Variants in ATP23 observed in about 807,000 individuals in gnomAD.
ATP23 encodes mitochondrial inner membrane protease ATP23 homolog.
Under a neutral mutation model 28.5 loss-of-function variants are expected in ATP23, and 24 were observed. The ratio of observed to expected loss-of-function variants is 0.84; its 90% CI spans 0.61 to 1.18. The LOEUF is 1.18. Ranked by LOEUF, ATP23 falls within the 50% of genes most tolerant of loss-of-function variation. The pLI is 0.00. For synonymous variants in ATP23, 99 were observed against 108.6 expected (o/e 0.91, Z 0.55); for missense variants, 274 against 306.4 (o/e 0.89, Z 0.79).
intron 4 of ATP23, 40 bp from the exon 5 acceptor site, chr12:57,953,566 A>C (rs779580942): frequency 1.9e-6 from 3 of 1,541,562 alleles, no homozygotes; most frequent in Non-Finnish European, 2.7e-6. Flanking sequence ...TATATAGAGC[A>C]TGAGCGTTTA....
chr12:57,954,192 C>T (rs1169631165), intron 5 of ATP23, among the ~76,000 whole-genome samples: 1 of 74,200 alleles, frequency 1.3e-5, no homozygotes, highest in Non-Finnish European at 2.2e-5. Context: ...GAGACTCCAT[C>T]TCAAAAAAAA....
At position 57,957,050 on chromosome 12, in the gene ATP23, C is replaced by CA; in HGVS notation, c.*166dup. 1.9e-6 allele frequency: 1 copy of CA among 536,268 alleles called. No individual in the cohort carries two copies. Among genetic ancestry groups the CA allele is most frequent in the Non-Finnish European group, 2.9e-6 (1 of 340,000 alleles). 33.2% of individuals were successfully genotyped at this position (536,268 alleles called of 1,614,324 possible). A position where few individuals can be genotyped will look rare whatever the true frequency, so the allele number is the denominator to read the frequency against. On this transcript the variant is annotated 3_prime_UTR_variant, in exon 6 of 6. Coordinates refer to ENST00000300145, the MANE Select transcript of ATP23 (RefSeq NM_033276.4). The stretch of plus-strand genomic sequence containing the variant: ...ATATTATCAGAAAAAGTAACTATGG[C>CA]AAAAAATGAAACTGCTTTAAACTCC...
intron 1 of ATP23, among the ~76,000 whole-genome samples, chr12:57,944,381 T>C (rs554229870): frequency 6.6e-6 from 1 of 152,210 alleles, no homozygotes; most frequent in African/African-American, 2.4e-5. Flanking sequence ...TGCATTTATA[T>C]TCTCAGACAA....
Position 57,941,576 on chromosome 12 carries a change from A to C in ATP23, c.-126A>C. 1 of 1,307,532 alleles carries C rather than the reference A, an allele frequency of 7.6e-7. No homozygotes were observed. The allele number at this position is 1,307,532 out of a possible 1,614,324, so 81.0% of individuals were successfully genotyped here. A position where few individuals can be genotyped will look rare whatever the true frequency, so the allele number is the denominator to read the frequency against. ...CCCGCCTAACGTCTTCAGCCCAGCCAGGCTGCCCTTCTTCCCTGCGGAGGG... is the reference window on the plus strand; with the variant it reads ...CCCGCCTAACGTCTTCAGCCCAGCCCGGCTGCCCTTCTTCCCTGCGGAGGG... On this transcript the variant is annotated 5_prime_UTR_variant, in exon 1 of 6. Coordinates refer to ENST00000300145, the MANE Select transcript of ATP23 (RefSeq NM_033276.4).
At position 57,947,245 on chromosome 12, in the gene ATP23, T is replaced by G. The variant is rs943644582; in HGVS notation, c.315+169T>G. Among the ~76,000 whole-genome samples the G allele has an allele frequency of 4.6e-5, 7 of 152,290 alleles. No homozygotes were observed. The East Asian group carries it at 1.4e-3, about 29-fold the overall frequency. On this transcript the variant is annotated intron_variant, in intron 3 of 5. Transcript: ENST00000300145. Reference sequence around the variant, plus strand: ...TTACTCTTAAAATCTCTTAAGGAGTTTACAGCCTTACAGGAAAGATAAGAC... The same window carrying G: ...TTACTCTTAAAATCTCTTAAGGAGTGTACAGCCTTACAGGAAAGATAAGAC...
rs2140546964 is a variant in ATP23 at position 57,957,700 on chromosome 12, T to C, written c.*810T>C. On this transcript the variant is annotated 3_prime_UTR_variant, in exon 6 of 6. Transcript: ENST00000300145. ...AGTTAATTTAGAGAGCCGAGCGAAATACAGGGGTAGAGCAAGCAGCAGGAA... is the reference window on the plus strand; with the variant it reads ...AGTTAATTTAGAGAGCCGAGCGAAACACAGGGGTAGAGCAAGCAGCAGGAA... Among the ~76,000 whole-genome samples, 1 of 152,166 alleles carries C rather than the reference T, an allele frequency of 6.6e-6. No individual in the cohort carries two copies. The highest frequency in any genetic ancestry group is 1.9e-4 in the East Asian group (1 of 5,176).
intron 5 of ATP23, among the ~76,000 whole-genome samples, chr12:57,954,981 T>TTGTGCTGCATG (rs1956851908): frequency 6.6e-6 from 1 of 152,158 alleles, no homozygotes; most frequent in Admixed American, 6.5e-5. Flanking sequence ...GTGACTTGTC[T>TTGTGCTGCATG]TGTGCTGCAT....
chr12:57,958,485 C>A lies in ATP23; in HGVS notation c.*1595C>A, dbSNP rs367844245. 5.4e-4 allele frequency among the ~76,000 whole-genome samples: 82 copies of A among 152,100 alleles called. 1 individual carries two copies. The South Asian group carries it at 0.017, about 31-fold the overall frequency. On this transcript the variant is annotated 3_prime_UTR_variant, in exon 6 of 6. Transcript: ENST00000300145. The stretch of plus-strand genomic sequence containing the variant: ...AAGAACCCTCATGGAGTCCATTGCA[C>A]CCCCCCTGCCACCTCCACTGGAACA...
chr12:57,951,151 G>A (rs1354710116), intron 3 of ATP23, among the ~76,000 whole-genome samples: 1 of 152,184 alleles, frequency 6.6e-6, no homozygotes, highest in East Asian at 1.9e-4. Flanking sequence ...TCTTTCTGAT[G>A]AGTTTTCCCT....
intron 5 of ATP23, 102 bp from the exon 6 acceptor site, chr12:57,956,585 G>T (rs1592282037): frequency 4.4e-6 from 4 of 906,666 alleles, no homozygotes; most frequent in South Asian, 4.4e-5. Flanking sequence ...AAAATAATAT[G>T]AGGAAATTAA....
Position 57,941,953 on chromosome 12 carries a change from G to A in ATP23, c.187+65G>A, listed in dbSNP as rs943123301. Reference sequence around the variant, plus strand: ...GGTCTGAGACCGGGTGGGCGAGGAAGGGCCTGGGCAACACCTGGCCAGGGG... The same window carrying A: ...GGTCTGAGACCGGGTGGGCGAGGAAAGGCCTGGGCAACACCTGGCCAGGGG... On this transcript the variant is annotated intron_variant, in intron 1 of 5. Transcript: ENST00000300145. 12 of 1,576,924 alleles carry A rather than the reference G, an allele frequency of 7.6e-6. No individual in the cohort carries two copies. In the African/African-American group the frequency reaches 1.5e-4, roughly 20 times the overall value.
At chr12:57,956,545 G>A (rs992787894) in intron 5 of ATP23, 142 bp from the exon 6 acceptor site, 4 of 720,082 alleles carry the variant, frequency 5.6e-6, no homozygotes, top group Non-Finnish European at 8.6e-6. Context: ...TGTTCATTTT[G>A]TTTTCTTCTT....
chr12:57,957,612 C>T lies in ATP23; in HGVS notation c.*722C>T, dbSNP rs190847860. Among the ~76,000 whole-genome samples, 1 of 152,046 alleles carries T rather than the reference C, an allele frequency of 6.6e-6. No homozygotes were observed. The highest frequency in any genetic ancestry group is 1.5e-5 in the Non-Finnish European group (1 of 67,994). On this transcript the variant is annotated 3_prime_UTR_variant, in exon 6 of 6. Coordinates refer to ENST00000300145, the MANE Select transcript of ATP23 (RefSeq NM_033276.4). ...GGGAGACCCTCCTCTCCCACACACA[C>T]CCCCCCACTGGAGAAACTGAAGGTC...
intron 3 of ATP23, among the ~76,000 whole-genome samples, chr12:57,948,506 C>T (rs973258224): frequency 1.3e-5 from 2 of 152,164 alleles, no homozygotes; most frequent in African/African-American, 4.8e-5. Flanking sequence ...TGGTCTTGAA[C>T]CCCTGACCTC....
At chr12:57,945,566 A>G in intron 1 of ATP23, 62 bp from the exon 2 acceptor site, 2 of 1,387,808 alleles carry the variant, frequency 1.4e-6, no homozygotes, top group African/African-American at 1.4e-5. Flanking sequence ...TTACACTGCT[A>G]TTTGGGTAGT....
chr12:57,943,867 C>T (rs1026970073), intron 1 of ATP23, among the ~76,000 whole-genome samples: 4 of 152,014 alleles, frequency 2.6e-5, no homozygotes, highest in Admixed American at 1.3e-4. Flanking sequence ...CTTGATCTTC[C>T]AAGGGCAGGG....
intron 2 of ATP23, among the ~76,000 whole-genome samples, chr12:57,946,535 G>A (rs535545659): frequency 5.2e-5 from 7 of 134,650 alleles, no homozygotes; most frequent in East Asian, 2.3e-4. Flanking sequence ...TCGGCTCACC[G>A]CAACCTCCGC....
chr12:57,953,555 A>T (rs376094000), intron 4 of ATP23, 51 bp from the exon 5 acceptor site: 5 of 1,483,556 alleles, frequency 3.4e-6, no homozygotes, highest in African/African-American at 2.8e-5. Context: ...TATCATAAAG[A>T]TATATAGAGC....
rs1565879999 is a variant in ATP23, at chr12:57,959,019, G to A, written c.*2129G>A. ...AAGAAGTGAAGGGAGAAATATTCAA[G>A]GAAATGGAGAGCTTAAAGAAAAAAG... On this transcript the variant is annotated 3_prime_UTR_variant, in exon 6 of 6. Transcript: ENST00000300145. 6.6e-6 allele frequency among the ~76,000 whole-genome samples: 1 copy of A among 152,132 alleles called. No homozygotes were observed. The highest frequency in any genetic ancestry group is 1.9e-4 in the East Asian group (1 of 5,170).
Sources: gnomAD v4.1 joint callset for allele counts (sites outside exome capture counted in the v4.1 genomes callset) on GRCh38, gnomAD v4.1.1 for gene constraint, MANE v1.5 for transcripts, NCBI Gene and HGNC (gene_info 2026-07-23, HGNC 2026-07-21) for gene names.